EFNA5: variants seen among roughly 807,000 people sequenced by gnomAD.
EFNA5 encodes ephrin-A5.
EFNA5 carries 5 observed loss-of-function variants against 22.9 expected under a neutral mutation model. The ratio of observed to expected loss-of-function variants is 0.22; its 90% CI spans 0.11 to 0.46. The LOEUF is 0.46. EFNA5 is among the 20% of genes least tolerant of loss of function. The pLI is 0.99. For synonymous variants in EFNA5, 113 were observed against 112.2 expected, an observed-to-expected ratio of 1.01 and a Z score of -0.04; for missense variants, 237 against 293.3, an observed-to-expected ratio of 0.81 and a Z score of 1.40.
intron 4 of EFNA5, among the ~76,000 whole-genome samples, chr5:107,382,196 T>G (rs555001093): frequency 3.9e-5 from 6 of 152,314 alleles, no homozygotes; most frequent in African/African-American, 1.4e-4. Context: ...TGACTTTGGA[T>G]AGCCTTCCTG....
intron 1 of EFNA5, among the ~76,000 whole-genome samples, chr5:107,604,036 T>C (rs1369675835): frequency 6.6e-6 from 1 of 152,198 alleles, no homozygotes; most frequent in Non-Finnish European, 1.5e-5. Context: ...GTACTCCTTT[T>C]TCAAGGTGAA....
intron 1 of EFNA5, among the ~76,000 whole-genome samples, chr5:107,543,864 A>G (rs2112462417): frequency 6.6e-6 from 1 of 152,372 alleles, no homozygotes; most frequent in East Asian, 1.9e-4. Flanking sequence ...GGGATTTCAA[A>G]TACCGAACCT....
At chr5:107,505,619 T>C (rs1358050592) in intron 1 of EFNA5, among the ~76,000 whole-genome samples, 1 of 152,214 alleles carries the variant, frequency 6.6e-6, no homozygotes, top group South Asian at 2.1e-4. Context: ...TTAGAAAATG[T>C]ATGCAGTAAT....
chr5:107,527,536 C>A (rs1487956453), intron 1 of EFNA5, among the ~76,000 whole-genome samples: 1 of 152,116 alleles, frequency 6.6e-6, no homozygotes, highest in Non-Finnish European at 1.5e-5. Context: ...CCACCCGCCT[C>A]AGCCTCCCGA....
At chr5:107,509,415 T>A (rs1424601164) in intron 1 of EFNA5, among the ~76,000 whole-genome samples, 1 of 151,768 alleles carries the variant, frequency 6.6e-6, no homozygotes, top group Non-Finnish European at 1.5e-5. Context: ...GCCTCCAGGA[T>A]TCAAGCGATT....
chr5:107,460,195 A>G (rs1478998003), intron 1 of EFNA5, among the ~76,000 whole-genome samples: 1 of 152,100 alleles, frequency 6.6e-6, no homozygotes, highest in African/African-American at 2.4e-5. Context: ...AACATATGTA[A>G]AGGCTTGGAA....
chr5:107,638,081 C>A (rs1036374195), intron 1 of EFNA5, among the ~76,000 whole-genome samples: 1 of 151,880 alleles, frequency 6.6e-6, no homozygotes, highest in Non-Finnish European at 1.5e-5. Context: ...TCTCGATCTC[C>A]TGACCTCATG....
intron 1 of EFNA5, among the ~76,000 whole-genome samples, chr5:107,608,179 G>A (rs1399799785): frequency 6.6e-6 from 1 of 152,248 alleles, no homozygotes; most frequent in East Asian, 1.9e-4. Context: ...CTGAAGCAAA[G>A]GCTTCAAAAG....
intron 1 of EFNA5, among the ~76,000 whole-genome samples, chr5:107,495,361 C>T (rs1208818567): frequency 2.6e-5 from 4 of 152,024 alleles, no homozygotes. Context: ...CTAGCGAGAC[C>T]ACGAATCCAA....
At chr5:107,614,653 C>G (rs1191282804) in intron 1 of EFNA5, among the ~76,000 whole-genome samples, 4 of 152,064 alleles carry the variant, frequency 2.6e-5, no homozygotes, top group Non-Finnish European at 5.9e-5. Context: ...GTTGTCTTAG[C>G]TTTCAGGATA....
At chr5:107,598,486 C>G (rs1749520144) in intron 1 of EFNA5, among the ~76,000 whole-genome samples, 2 of 142,354 alleles carry the variant, frequency 1.4e-5, no homozygotes, top group African/African-American at 6.2e-5. Context: ...GGACCACAGA[C>G]TCTGTGCAAA....
chr5:107,512,188 T>G (rs1747385665), intron 1 of EFNA5, among the ~76,000 whole-genome samples: 1 of 152,156 alleles, frequency 6.6e-6, no homozygotes. Flanking sequence ...CCCACCCCAC[T>G]GAGTCTGTAT....
intron 1 of EFNA5, among the ~76,000 whole-genome samples, chr5:107,508,540 T>A (rs1747297927): frequency 6.6e-6 from 1 of 152,212 alleles, no homozygotes; most frequent in African/African-American, 2.4e-5. Context: ...AGACATGAAC[T>A]GCAGACAAAT....
Position 107,516,174 on chromosome 5 carries a change from T to TTTTG in EFNA5, c.126-88666_126-88665insCAAA, listed in dbSNP as rs375713870. Among the ~76,000 whole-genome samples the TTTTG allele has an allele frequency of 3.6e-5, 5 of 139,614 alleles. No individual in the cohort carries two copies. In the East Asian group the frequency reaches 6.5e-4, roughly 18 times the overall value. 91.6% of individuals were successfully genotyped at this position (139,614 alleles called of 152,430 possible). Reference sequence around the variant, plus strand: ...TGGGCACCACAATGCCTGGCTAGTTTTGTGTGTGTGTGTGTGTGTGTGTGT... The same window carrying TTTTG: ...TGGGCACCACAATGCCTGGCTAGTTTTTTGTGTGTGTGTGTGTGTGTGTGTGTGT... On this transcript the variant is annotated intron_variant, in intron 1 of 4. Transcript: ENST00000333274.
chr5:107,416,380 G>T (rs1019491451), intron 2 of EFNA5, among the ~76,000 whole-genome samples: 79 of 152,186 alleles, frequency 5.2e-4, no homozygotes, highest in African/African-American at 1.8e-3. Context: ...CTCTAGGCTT[G>T]GGGTCAAACT....
At chr5:107,396,255 T>A (rs569325204) in intron 2 of EFNA5, among the ~76,000 whole-genome samples, 3 of 152,338 alleles carry the variant, frequency 2.0e-5, no homozygotes, top group African/African-American at 7.2e-5. Flanking sequence ...TTCTCCCTGG[T>A]TCATTCTTTT....
chr5:107,579,535 A>G (rs1047143717), intron 1 of EFNA5, among the ~76,000 whole-genome samples: 1 of 152,104 alleles, frequency 6.6e-6, no homozygotes, highest in African/African-American at 2.4e-5. Context: ...AGTCTTAAAA[A>G]GAAAAAAGAA....
chr5:107,381,333 G>A lies in EFNA5; in HGVS notation c.609C>T (p.Asn203=), dbSNP rs144513335. The A allele has an allele frequency of 1.1e-5, 17 of 1,613,896 alleles. No individual in the cohort carries two copies. In the African/African-American group the frequency reaches 1.2e-4, roughly 11 times the overall value. The change falls in exon 5 of 5, where the codon AAC becomes AAT. Residue 203 remains asparagine, a synonymous_variant. Transcript: ENST00000333274. ...TGGGTATCCTTGGTGTTTGTGCCGC[G>A]TTCTCGCCGCGGGATGGCTCGGCTG... ...HESAEPSRGE[N]AAQTPRIPSR... is the part of the protein sequence containing the mutation.
At chr5:107,665,642 T>C (rs1337772264) in intron 1 of EFNA5, among the ~76,000 whole-genome samples, 2 of 152,148 alleles carry the variant, frequency 1.3e-5, no homozygotes, top group East Asian at 3.8e-4. Context: ...CTCAAATAGC[T>C]CTAATGTTCC....
Sources: gnomAD v4.1 joint callset for allele counts (sites outside exome capture counted in the v4.1 genomes callset) on GRCh38, gnomAD v4.1.1 for gene constraint, MANE v1.5 for transcripts, NCBI Gene and HGNC (gene_info 2026-07-23, HGNC 2026-07-21) for gene names.